Variants in NAALADL2 observed in about 807,000 individuals in gnomAD.
NAALADL2 encodes N-acetylated alpha-linked acidic dipeptidase like 2, also known as inactive N-acetylated-alpha-linked acidic dipeptidase-like protein 2.
A neutral mutation model predicts 87.2 loss-of-function variants in NAALADL2; 76 were observed. The observed-to-expected ratio is 0.87, with a 90% confidence interval of 0.72 to 1.05. The LOEUF is 1.05. Among genes scored for constraint, NAALADL2 ranks in the 50% least tolerant of loss-of-function variants. NAALADL2 has a pLI of 0.00. For missense variants in NAALADL2, 1,089 were observed against 945.8 expected, an observed-to-expected ratio of 1.15 and a Z score of -1.99; for synonymous variants, 354 against 331.0, an observed-to-expected ratio of 1.07 and a Z score of -0.75.
intron 1 of NAALADL2, among the ~76,000 whole-genome samples, chr3:175,072,842 A>G (rs1715912324): frequency 2.0e-5 from 3 of 152,054 alleles, no homozygotes; most frequent in Non-Finnish European, 2.9e-5. Context: ...GTATAGCAAT[A>G]AAAGAAAAAA....
rs188188613 is a variant in NAALADL2 at position 174,511,111 on chromosome 3, G to A, written c.-183-39458G>A. ...TTAAGATTTTTTTATGACCCAGAAC[G>A]TGATCCATCTTGGTGATTGTTCCAC... On this transcript the variant is annotated intron_variant, in intron 1 of 3. Transcript: ENST00000434257. 2.4e-3 allele frequency among the ~76,000 whole-genome samples: 368 copies of A among 151,978 alleles called. 4 individuals carry two copies. The highest frequency in any genetic ancestry group is 5.9e-4 in the Non-Finnish European group (40 of 67,874).
chr3:175,308,054 T>A (rs1161476642), intron 4 of NAALADL2, among the ~76,000 whole-genome samples: 2 of 152,210 alleles, frequency 1.3e-5, no homozygotes, highest in Non-Finnish European at 2.9e-5. Context: ...TTAAACATCA[T>A]TTTTGCTTAA....
At chr3:175,575,990 G>A (rs1718818242) in intron 9 of NAALADL2, 51 bp from the exon 10 acceptor site, 12 of 1,472,674 alleles carry the variant, frequency 8.1e-6, no homozygotes, top group Non-Finnish European at 1.1e-5. Context: ...CTGATCTAGG[G>A]ATGACCTGGG....
intron 1 of NAALADL2, among the ~76,000 whole-genome samples, chr3:174,897,188 C>T (rs1731648951): frequency 6.6e-6 from 1 of 152,054 alleles, no homozygotes. Flanking sequence ...AGTTAAAAAG[C>T]TTCTACACAG....
intron 11 of NAALADL2, among the ~76,000 whole-genome samples, chr3:175,732,780 G>A (rs559651290): frequency 2.0e-5 from 3 of 151,998 alleles, no homozygotes; most frequent in South Asian, 2.1e-4. Flanking sequence ...GCAAAGATAC[G>A]TTAGGAATTG....
At chr3:175,264,899 C>A in intron 4 of NAALADL2, among the ~76,000 whole-genome samples, 1 of 151,506 alleles carries the variant, frequency 6.6e-6, no homozygotes, top group Non-Finnish European at 1.5e-5. Flanking sequence ...GTTGAGATAT[C>A]AAGTATGGTT....
intron 1 of NAALADL2, among the ~76,000 whole-genome samples, chr3:174,979,200 C>T (rs1312406051): frequency 6.6e-6 from 1 of 151,182 alleles, no homozygotes; most frequent in African/African-American, 2.4e-5. Context: ...TTCTGGAGTC[C>T]TCTAAATTTT....
rs556063603 is a variant in NAALADL2, at chr3:174,765,491, C to A, written c.-9+27745C>A. On this transcript the variant is annotated intron_variant, in intron 3 of 3. Coordinates refer to the NAALADL2 transcript ENST00000434257. Reference sequence around the variant, plus strand: ...TGGTTTTATGTTAGGTGGGCAGTTTCCTGTAGTTTTCCAGTTTTCAAAAAC... The same window carrying A: ...TGGTTTTATGTTAGGTGGGCAGTTTACTGTAGTTTTCCAGTTTTCAAAAAC... Among the ~76,000 whole-genome samples the A allele has an allele frequency of 1.7e-3, 252 of 152,190 alleles. 1 individual carries two copies. Among genetic ancestry groups the A allele is most frequent in the African/African-American group, 6.0e-3 (247 of 41,510 alleles).
chr3:175,322,620 A>C (rs1232343762), intron 4 of NAALADL2, among the ~76,000 whole-genome samples: 4 of 129,910 alleles, frequency 3.1e-5, no homozygotes, highest in Non-Finnish European at 6.3e-5. Flanking sequence ...AGAATCTACA[A>C]TGAACTCAAA....
At chr3:174,524,747 G>C (rs946059556) in intron 1 of NAALADL2, among the ~76,000 whole-genome samples, 1 of 151,396 alleles carries the variant, frequency 6.6e-6, no homozygotes, top group Non-Finnish European at 1.5e-5. Flanking sequence ...AACATTTGTC[G>C]AGGTTGGGTC....
At chr3:175,271,750 G>A (rs958652786) in intron 4 of NAALADL2, among the ~76,000 whole-genome samples, 2 of 152,184 alleles carry the variant, frequency 1.3e-5, no homozygotes, top group East Asian at 3.9e-4. Context: ...AGCCGAGGTC[G>A]TGCCACTGCA....
At chr3:175,107,305 C>A (rs57000424) in intron 2 of NAALADL2, among the ~76,000 whole-genome samples, 70,610 of 151,724 alleles carry the variant, frequency 0.47, 16,713 homozygotes, top group African/African-American at 0.55. Flanking sequence ...CCATTGCAAG[C>A]TTTAATAGGG....
chr3:175,655,529 T>C (rs1326861572), intron 11 of NAALADL2: 1 of 293,554 alleles, frequency 3.4e-6, no homozygotes, highest in East Asian at 1.1e-4. Context: ...GTATGTACTC[T>C]ATGATTGCTG....
At chr3:174,508,315 G>T (rs1185520671) in intron 1 of NAALADL2, among the ~76,000 whole-genome samples, 1 of 151,866 alleles carries the variant, frequency 6.6e-6, no homozygotes, top group Non-Finnish European at 1.5e-5. Context: ...GGGTTTCACT[G>T]TGTTAGCCAG....
At chr3:174,843,630 T>C (rs1203240375) in intron 3 of NAALADL2, among the ~76,000 whole-genome samples, 1 of 152,148 alleles carries the variant, frequency 6.6e-6, no homozygotes, top group Non-Finnish European at 1.5e-5. Flanking sequence ...TTTTTCATAG[T>C]GCTCTATTAA....
chr3:175,000,270 T>C (rs1252499698), intron 1 of NAALADL2, among the ~76,000 whole-genome samples: 1 of 152,248 alleles, frequency 6.6e-6, no homozygotes, highest in Non-Finnish European at 1.5e-5. Context: ...TACAGTGTGC[T>C]ACTGCAATAG....
intron 1 of NAALADL2, among the ~76,000 whole-genome samples, chr3:174,883,422 C>T (rs1729675925): frequency 6.6e-6 from 1 of 152,050 alleles, no homozygotes; most frequent in South Asian, 2.1e-4. Context: ...CATAATTACG[C>T]CTAACATGAC....
chr3:175,305,518 T>C (rs954875137), intron 4 of NAALADL2, among the ~76,000 whole-genome samples: 2 of 152,092 alleles, frequency 1.3e-5, no homozygotes, highest in African/African-American at 2.4e-5. Context: ...TTTATCTTTT[T>C]CTTTTTCTTT....
intron 5 of NAALADL2, among the ~76,000 whole-genome samples, chr3:175,398,751 A>G (rs1244098132): frequency 6.6e-6 from 1 of 151,942 alleles, no homozygotes; most frequent in Non-Finnish European, 1.5e-5. Flanking sequence ...TTTAATTTAC[A>G]TTTCTTTGAT....
Sources: gnomAD v4.1 joint callset for allele counts (sites outside exome capture counted in the v4.1 genomes callset) on GRCh38, gnomAD v4.1.1 for gene constraint, MANE v1.5 for transcripts, NCBI Gene and HGNC (gene_info 2026-07-23, HGNC 2026-07-21) for gene names.